The following GRIN1 variants were observed in gnomAD, a reference collection of about 807,000 sequenced individuals.
GRIN1 encodes glutamate ionotropic receptor NMDA type subunit 1, also known as glutamate receptor ionotropic, NMDA 1.
Under a neutral mutation model 103.0 loss-of-function variants are expected in GRIN1, and 38 were observed. That is an observed-to-expected ratio of 0.37 (90% CI 0.28 to 0.48). The LOEUF (loss-of-function observed/expected upper bound fraction) is 0.48, where lower values mean the gene tolerates loss of function less well. Among genes scored for constraint, GRIN1 ranks in the 20% least tolerant of loss-of-function variants. The pLI, the probability that GRIN1 is intolerant of heterozygous loss-of-function variation, is 0.98. For synonymous variants in GRIN1, 544 were observed against 532.7 expected (o/e 1.02, Z -0.29); for missense variants, 577 against 1,288.9 (o/e 0.45, Z 8.46).
rs987471558 is a variant in GRIN1, at chr9:137,167,681, T to TTGGCCGGC, written c.*162_*169dup. 4.3e-5 allele frequency: 67 copies of TTGGCCGGC among 1,558,878 alleles called. No homozygotes were observed. The highest frequency in any genetic ancestry group is 5.5e-5 in the Non-Finnish European group (63 of 1,154,188). ...CAGGCTGCGCCTGCCCGCCCGCCGG[T>TTGGCCGGC]TGGCCGGCTGGCCGGTCCACCCCGT... On this transcript the variant is annotated 3_prime_UTR_variant, in exon 20 of 20. Coordinates refer to ENST00000371561, the MANE Select transcript of GRIN1 (RefSeq NM_007327.4).
At chr9:137,155,245 C>T (rs1319517216) in intron 4 of GRIN1, among the ~76,000 whole-genome samples, 1 of 152,154 alleles carries the variant, frequency 6.6e-6, no homozygotes, top group Admixed American at 6.5e-5. Flanking sequence ...TCTGTCAGGC[C>T]CTGGTGGGCA....
rs200007767 is a variant in GRIN1, at chr9:137,167,426, C to T, written c.2716C>T (p.Arg906Cys). The T allele has an allele frequency of 1.3e-6, 2 of 1,559,456 alleles. No homozygotes were observed. The highest frequency in any genetic ancestry group is 1.8e-4 in the Middle Eastern group (1 of 5,630). Reference protein sequence around the residue: ...SSKDTSTGGGRGALQNQKDTV... With the variant: ...SSKDTSTGGGCGALQNQKDTV... ...TTATTTATAGAGCACCGGGGGTGGA[C>T]GCGGCGCTTTGCAAAACCAAAAAGA... Residue 906 changes from arginine to cysteine, a missense_variant, in exon 20 of 20, where the codon CGC becomes TGC. Transcript: ENST00000371561.
chr9:137,149,992 C>A (rs540733802), intron 4 of GRIN1, among the ~76,000 whole-genome samples: 1 of 152,318 alleles, frequency 6.6e-6, no homozygotes, highest in African/African-American at 2.4e-5. Context: ...CTCACCAGGG[C>A]AGAACGCAGG....
intron 4 of GRIN1, among the ~76,000 whole-genome samples, chr9:137,154,110 CTT>C (rs869310108): frequency 1.2e-3 from 176 of 143,982 alleles, no homozygotes; most frequent in African/African-American, 4.3e-3. Context: ...CCGTGCCTGC[CTT>C]TTTTTTTTTC....
chr9:137,162,180 C>G lies in GRIN1; in HGVS notation c.1641C>G (p.Pro547=). Residue 547 remains proline, a synonymous_variant, in exon 12 of 20, where the codon CCC becomes CCG. Transcript: ENST00000371561. ...CTCGCGTCCCTCCGCAGGAGATTCC[C>G]CGGAGCACGCTGGACTCGTTCATGC... ...GLTILVKKEI[P]RSTLDSFMQP... The G allele has an allele frequency of 1.9e-6, 3 of 1,544,612 alleles. No homozygotes were observed. The highest frequency in any genetic ancestry group is 2.6e-6 in the Non-Finnish European group (3 of 1,148,468).
intron 8 of GRIN1, among the ~76,000 whole-genome samples, chr9:137,160,436 C>T (rs1202307169): frequency 6.8e-6 from 1 of 147,680 alleles, no homozygotes; most frequent in Non-Finnish European, 1.5e-5. Context: ...GGAATCATGT[C>T]TTTTTTTTTT....
rs1272646841 is a variant in GRIN1 at position 137,163,675 on chromosome 9, T to G, written c.2443+7T>G. ...ACTTTTGAGAACATGGCCGGTGCGT[T>G]CTCCTTCATCCATTCTCGGGTGGGT... On this transcript the variant is annotated splice_region_variant and intron_variant, in intron 17 of 19. Coordinates refer to ENST00000371561, the MANE Select transcript of GRIN1 (RefSeq NM_007327.4). 6.2e-7 allele frequency: 1 copy of G among 1,613,084 alleles called. No homozygotes were observed. Among genetic ancestry groups the G allele is most frequent in the Non-Finnish European group, 8.5e-7 (1 of 1,179,452 alleles).
intron 2 of GRIN1, among the ~76,000 whole-genome samples, chr9:137,145,258 A>C (rs1363997086): frequency 4.6e-5 from 2 of 43,020 alleles, no homozygotes; most frequent in African/African-American, 2.9e-4. Context: ...GGGTGGGGAC[A>C]GGAGTGAGAG....
chr9:137,144,568 T>G (rs1428002024), intron 2 of GRIN1, among the ~76,000 whole-genome samples: 2 of 149,592 alleles, frequency 1.3e-5, no homozygotes, highest in East Asian at 2.0e-4. Flanking sequence ...GGCAGGAGAA[T>G]GGTGTGAACC....
At chr9:137,166,075 T>C (rs1209489679) in intron 19 of GRIN1, among the ~76,000 whole-genome samples, 3 of 151,820 alleles carry the variant, frequency 2.0e-5, no homozygotes, top group Non-Finnish European at 4.4e-5. Flanking sequence ...GGTCTGAGAA[T>C]GGGTAGGGGC....
intron 3 of GRIN1, among the ~76,000 whole-genome samples, chr9:137,147,903 G>A (rs913574685): frequency 6.6e-6 from 1 of 152,148 alleles, no homozygotes; most frequent in East Asian, 1.9e-4. Context: ...CTTTTCTCCC[G>A]AGAGCGACCG....
At chr9:137,145,360 G>A (rs13296094) in intron 2 of GRIN1, among the ~76,000 whole-genome samples, 1 of 117,716 alleles carries the variant, frequency 8.5e-6, no homozygotes, top group Non-Finnish European at 1.8e-5. Flanking sequence ...GTGTCCCCAG[G>A]GTGGTAGGGA....
chr9:137,163,265 G>C lies in GRIN1; in HGVS notation c.2268G>C (p.Ser756=). The change falls in exon 16 of 20, where the codon TCG becomes TCC. Residue 756 remains serine, a synonymous_variant. Transcript: ENST00000371561. ...CGACTGGAGAGCTGTTTTTCCGCTC[G>C]GGCTTCGGCATAGGCATGCGCAAAG... The part of the protein sequence containing the change: ...LVTTGELFFR[S]GFGIGMRKDS... The C allele has an allele frequency of 6.2e-7, 1 of 1,613,766 alleles. No homozygotes were observed. The highest frequency in any genetic ancestry group is 8.5e-7 in the Non-Finnish European group (1 of 1,179,956).
chr9:137,157,441 T>A (rs1833297725), intron 6 of GRIN1, among the ~76,000 whole-genome samples: 1 of 152,170 alleles, frequency 6.6e-6, no homozygotes, highest in Non-Finnish European at 1.5e-5. Flanking sequence ...GAGTGGGGAC[T>A]GGCTCCACTG....
Position 137,167,974 on chromosome 9 carries a change from GCCCA to G in GRIN1, c.*451_*454del. ...CCCTGGGCCTCCCGTCCGTCCGCCC[GCCCA>G]CCCCGCTGCCTGGCGGGCAGCCCCT... On this transcript the variant is annotated 3_prime_UTR_variant, in exon 20 of 20. Transcript: ENST00000371561. 1 of 804,184 alleles carries G rather than the reference GCCCA, an allele frequency of 1.2e-6. No individual in the cohort carries two copies. Among genetic ancestry groups the G allele is most frequent in the Non-Finnish European group, 2.1e-6 (1 of 486,690 alleles). 49.8% of individuals were successfully genotyped at this position (804,184 alleles called of 1,614,324 possible). A position where few individuals can be genotyped will look rare whatever the true frequency, so the allele number is the denominator to read the frequency against.
At chr9:137,150,914 C>T (rs1832833217) in intron 4 of GRIN1, among the ~76,000 whole-genome samples, 1 of 137,208 alleles carries the variant, frequency 7.3e-6, no homozygotes, top group Non-Finnish European at 1.6e-5. Context: ...AAGCCCTGCC[C>T]AGCGAAAGCC....
chr9:137,139,393 C>T lies in GRIN1; in HGVS notation c.-94C>T. On this transcript the variant is annotated 5_prime_UTR_variant, in exon 1 of 20. Coordinates refer to ENST00000371561, the MANE Select transcript of GRIN1 (RefSeq NM_007327.4). The surrounding 1 kb of genome is among the most constrained non-coding windows in gnomAD (Gnocchi z 7.7). Reference sequence around the variant, plus strand: ...GACGTGGCGTCCGCAGCCCGCGGGGCCGGGCGAGCGCAGGACGGCCCGGAA... The same window carrying T: ...GACGTGGCGTCCGCAGCCCGCGGGGTCGGGCGAGCGCAGGACGGCCCGGAA... 1 of 820,920 alleles carries T rather than the reference C, an allele frequency of 1.2e-6. No homozygotes were observed. Among genetic ancestry groups the T allele is most frequent in the Non-Finnish European group, 1.6e-6 (1 of 625,476 alleles). The allele number at this position is 820,920 out of a possible 1,614,324, so 50.9% of individuals were successfully genotyped here.
At chr9:137,158,006 G>A (rs1479204723) in intron 6 of GRIN1, among the ~76,000 whole-genome samples, 4 of 152,230 alleles carry the variant, frequency 2.6e-5, no homozygotes, top group African/African-American at 7.2e-5. Flanking sequence ...GCTCAACCTC[G>A]CCTTCACTTG....
chr9:137,163,372 G>T (rs199984598), intron 16 of GRIN1, 42 bp downstream of exon 16: 1 of 1,605,186 alleles, frequency 6.2e-7, no homozygotes, highest in Non-Finnish European at 8.5e-7. Flanking sequence ...GCCCCTCTCC[G>T]CCAGAGGTGG....
Sources: gnomAD v4.1 joint callset for allele counts (sites outside exome capture counted in the v4.1 genomes callset) on GRCh38, gnomAD v4.1.1 for gene constraint, Gnocchi (gnomAD v3.1) non-coding constraint, MANE v1.5 for transcripts, NCBI Gene and HGNC (gene_info 2026-07-23, HGNC 2026-07-21) for gene names.